Variants in ARID5B observed in about 807,000 individuals in gnomAD.
ARID5B encodes the protein AT-rich interaction domain 5B.
Under a neutral mutation model 97.2 loss-of-function variants are expected in ARID5B, and 13 were observed. That is an observed-to-expected ratio of 0.13 (90% CI 0.09 to 0.21). ARID5B has a LOEUF of 0.21. Ranked by LOEUF, ARID5B falls within the 10% of genes least tolerant of loss-of-function variation. The pLI is 1.00. For synonymous variants in ARID5B, 556 were observed against 570.3 expected (o/e 0.97, Z 0.36); for missense variants, 1,210 against 1,465.3 (o/e 0.83, Z 2.84).
intron 3 of ARID5B, among the ~76,000 whole-genome samples, chr10:61,956,875 G>T (rs1295039473): frequency 6.6e-6 from 1 of 152,044 alleles, no homozygotes; most frequent in East Asian, 1.9e-4. Context: ...ATAATAAATT[G>T]CTAACAATTT....
intron 7 of ARID5B, 83 bp from the exon 8 acceptor site, chr10:62,069,617 T>TCTGA: frequency 8.1e-7 from 1 of 1,236,312 alleles, no homozygotes; most frequent in Non-Finnish European, 1.2e-6. Flanking sequence ...ACTGTTCTCT[T>TCTGA]CTGACTGTTG....
chr10:62,049,418 C>T lies in ARID5B; in HGVS notation c.734-1470C>T, dbSNP rs1451589173. 3 of 1,550,098 alleles carry T rather than the reference C, an allele frequency of 1.9e-6. No individual in the cohort carries two copies. In the African/African-American group the frequency reaches 4.1e-5, roughly 21 times the overall value. On this transcript the variant is annotated intron_variant, in intron 4 of 9. Coordinates refer to ENST00000279873, the MANE Select transcript of ARID5B (RefSeq NM_032199.3). Reference sequence around the variant, plus strand: ...GACTTCCAGGGATGTGGCCGGGGAGCAGTCACATGCTGTAGCTTTCATGAG... The same window carrying T: ...GACTTCCAGGGATGTGGCCGGGGAGTAGTCACATGCTGTAGCTTTCATGAG...
intron 8 of ARID5B, among the ~76,000 whole-genome samples, chr10:62,081,863 C>T (rs1840217800): frequency 1.3e-5 from 2 of 152,332 alleles, no homozygotes; most frequent in South Asian, 4.1e-4. Context: ...CATTATTTAA[C>T]TTGAGATTTA....
At chr10:62,016,649 C>T (rs1183793252) in intron 4 of ARID5B, among the ~76,000 whole-genome samples, 1 of 152,178 alleles carries the variant, frequency 6.6e-6, no homozygotes, top group Non-Finnish European at 1.5e-5. Flanking sequence ...TACTAACAGA[C>T]CATGTGATAG....
At chr10:62,004,412 C>T (rs1839120627) in intron 4 of ARID5B, among the ~76,000 whole-genome samples, 1 of 152,174 alleles carries the variant, frequency 6.6e-6, no homozygotes, top group South Asian at 2.1e-4. Flanking sequence ...CAACAGACTC[C>T]CCATTAAAGC....
chr10:61,933,438 AG>A (rs1029770660), intron 2 of ARID5B, among the ~76,000 whole-genome samples: 1 of 152,232 alleles, frequency 6.6e-6, no homozygotes, highest in African/African-American at 2.4e-5. Context: ...GCTTTCTAGA[AG>A]GTTTTCCGTT....
chr10:61,994,041 T>G (rs997467404), intron 3 of ARID5B, among the ~76,000 whole-genome samples: 1 of 152,222 alleles, frequency 6.6e-6, no homozygotes, highest in Non-Finnish European at 1.5e-5. Flanking sequence ...TGTCTCAAAC[T>G]TAGCCTTCAT....
At chr10:62,068,949 A>G (rs1840027763) in intron 7 of ARID5B, among the ~76,000 whole-genome samples, 1 of 152,212 alleles carries the variant, frequency 6.6e-6, no homozygotes, top group Non-Finnish European at 1.5e-5. Context: ...ACTCAACTCA[A>G]TAATGTACGT....
At chr10:61,909,329 T>TTG (rs1564598142) in intron 2 of ARID5B, among the ~76,000 whole-genome samples, 3 of 139,856 alleles carry the variant, frequency 2.1e-5, no homozygotes, top group African/African-American at 8.1e-5. Context: ...TTTTTTTTTT[T>TTG]TTTTTTTTTT....
chr10:62,033,998 T>G (rs1839529807), intron 4 of ARID5B, among the ~76,000 whole-genome samples: 1 of 152,148 alleles, frequency 6.6e-6, no homozygotes, highest in Admixed American at 6.5e-5. Context: ...ACCAGTGCTG[T>G]GATGATGGAA....
At chr10:62,067,597 G>A (rs1225836515) in intron 7 of ARID5B, among the ~76,000 whole-genome samples, 1 of 152,220 alleles carries the variant, frequency 6.6e-6, no homozygotes, top group Admixed American at 6.5e-5. Flanking sequence ...GAAGGAAAAG[G>A]CTCCCAGAGT....
intron 7 of ARID5B, among the ~76,000 whole-genome samples, chr10:62,066,538 T>TAA (rs1251656740): frequency 2.0e-5 from 3 of 152,156 alleles, no homozygotes; most frequent in Non-Finnish European, 2.9e-5. Flanking sequence ...AAACTGTATT[T>TAA]AAACACCAGA....
At chr10:62,025,593 G>A (rs1310800637) in intron 4 of ARID5B, among the ~76,000 whole-genome samples, 1 of 152,138 alleles carries the variant, frequency 6.6e-6, no homozygotes, top group African/African-American at 2.4e-5. Flanking sequence ...GATGACCTAC[G>A]TTTGTGTGCT....
chr10:62,071,977 A>G (rs528006616), intron 8 of ARID5B, among the ~76,000 whole-genome samples: 3 of 152,352 alleles, frequency 2.0e-5, no homozygotes, highest in African/African-American at 4.8e-5. Context: ...AGACTTCACC[A>G]TAGGCAGTTG....
chr10:62,060,266 A>G (rs1839905418), intron 7 of ARID5B, among the ~76,000 whole-genome samples: 1 of 152,166 alleles, frequency 6.6e-6, no homozygotes, highest in Non-Finnish European at 1.5e-5. Context: ...AACTAATATA[A>G]TGGTTTGATG....
At chr10:61,903,374 G>C (rs747395012) in intron 2 of ARID5B, among the ~76,000 whole-genome samples, 7 of 152,210 alleles carry the variant, frequency 4.6e-5, no homozygotes, top group Non-Finnish European at 1.0e-4. Flanking sequence ...CTGGGCGCCG[G>C]GGCGGCCGCC....
At chr10:61,979,153 C>A (rs1027946317) in intron 3 of ARID5B, among the ~76,000 whole-genome samples, 3 of 152,136 alleles carry the variant, frequency 2.0e-5, no homozygotes, top group Admixed American at 1.3e-4. Flanking sequence ...GGTGCTGCAC[C>A]CAAACCTCTG....
intron 8 of ARID5B, among the ~76,000 whole-genome samples, chr10:62,082,575 G>T (rs1840227516): frequency 6.6e-6 from 1 of 152,150 alleles, no homozygotes; most frequent in Non-Finnish European, 1.5e-5. Context: ...CAACCTCAAG[G>T]CGCAGGCATG....
In ARID5B at chr10:61,998,076, G is replaced by C. The variant is rs75428089; in HGVS notation, c.503-2015G>C. On this transcript the variant is annotated intron_variant, in intron 3 of 9. Coordinates refer to ENST00000279873, the MANE Select transcript of ARID5B (RefSeq NM_032199.3). ...CACAGACCAGGCAGGAGTTGAAGACGTGTACACTGTTAAAAGATGTCATCT... is the reference window on the plus strand; with the variant it reads ...CACAGACCAGGCAGGAGTTGAAGACCTGTACACTGTTAAAAGATGTCATCT... Among the ~76,000 whole-genome samples, 873 of 152,294 alleles carry C rather than the reference G, an allele frequency of 5.7e-3. 12 individuals carry two copies. The highest frequency in any genetic ancestry group is 0.019 in the African/African-American group (807 of 41,560).
Sources: allele counts gnomAD v4.1 joint callset (sites outside exome capture counted in the v4.1 genomes callset), GRCh38; gene constraint gnomAD v4.1.1; transcripts MANE v1.5; gene names NCBI Gene and HGNC (gene_info 2026-07-23, HGNC 2026-07-21).